Variants in PRDM6 observed in about 807,000 individuals in gnomAD.
The protein encoded by PRDM6 is putative histone-lysine N-methyltransferase PRDM6.
PRDM6 carries 25 observed loss-of-function variants against 60.8 expected under a neutral mutation model. That is an observed-to-expected ratio of 0.41 (90% CI 0.30 to 0.57). PRDM6 has a LOEUF of 0.57. Ranked by LOEUF, PRDM6 falls within the 20% of genes least tolerant of loss-of-function variation. The pLI, the probability that PRDM6 is intolerant of heterozygous loss-of-function variation, is 0.27. For synonymous variants in PRDM6, 407 were observed against 357.4 expected, an observed-to-expected ratio of 1.14 and a Z score of -1.57; for missense variants, 839 against 821.3, an observed-to-expected ratio of 1.02 and a Z score of -0.26.
intron 2 of PRDM6, among the ~76,000 whole-genome samples, chr5:123,093,225 G>A (rs981877047): frequency 1.3e-5 from 2 of 152,156 alleles, no homozygotes; most frequent in African/African-American, 4.8e-5. Context: ...TAGGTATTGA[G>A]TTGTTTTCTC....
intron 6 of PRDM6, among the ~76,000 whole-genome samples, chr5:123,176,681 C>A (rs1222611945): frequency 6.6e-6 from 1 of 152,148 alleles, no homozygotes; most frequent in Non-Finnish European, 1.5e-5. Context: ...CCACTGTACT[C>A]CAGCCTGGGC....
intron 3 of PRDM6, among the ~76,000 whole-genome samples, chr5:123,149,613 A>G (rs1765329202): frequency 6.6e-6 from 1 of 152,214 alleles, no homozygotes; most frequent in Non-Finnish European, 1.5e-5. Flanking sequence ...CACTGCAATG[A>G]ACTAAAAACT....
In PRDM6 at chr5:123,190,956, T is replaced by A. The variant is rs1485131943; in HGVS notation, c.*3755T>A. On this transcript the variant is annotated 3_prime_UTR_variant, in exon 8 of 8. Transcript: ENST00000407847. ...GGAAAATCTGAGAGAGGTAAATTCA[T>A]CTGGGGACCAGAAAATAGCATATTG... 1 of 152,196 alleles carries A rather than the reference T, an allele frequency of 6.6e-6. No homozygotes were observed. Among genetic ancestry groups the A allele is most frequent in the Non-Finnish European group, 1.5e-5 (1 of 68,038 alleles). 9.4% of individuals were successfully genotyped at this position (152,196 alleles called of 1,614,324 possible). A position where few individuals can be genotyped will look rare whatever the true frequency, so the allele number is the denominator to read the frequency against.
At chr5:123,167,280 C>T (rs550109339) in intron 5 of PRDM6, among the ~76,000 whole-genome samples, 1 of 152,204 alleles carries the variant, frequency 6.6e-6, no homozygotes, top group African/African-American at 2.4e-5. Flanking sequence ...AAATTTCTAC[C>T]CATTAATCAA....
At chr5:123,174,252 AT>A (rs1352646927) in intron 6 of PRDM6, among the ~76,000 whole-genome samples, 1 of 152,206 alleles carries the variant, frequency 6.6e-6, no homozygotes, top group Non-Finnish European at 1.5e-5. Flanking sequence ...CATATTTGGG[AT>A]GCTCAACCTG....
intron 3 of PRDM6, among the ~76,000 whole-genome samples, chr5:123,104,053 G>GA (rs995855092): frequency 6.6e-6 from 1 of 151,988 alleles, no homozygotes; most frequent in East Asian, 1.9e-4. Flanking sequence ...TTTTTCTTCA[G>GA]AAAATCAAGG....
intron 7 of PRDM6, among the ~76,000 whole-genome samples, chr5:123,181,635 C>T (rs760948101): frequency 6.6e-6 from 1 of 152,104 alleles, no homozygotes; most frequent in African/African-American, 2.4e-5. Flanking sequence ...ATAGAGTTAC[C>T]GCCTTATGTA....
At position 123,094,047 on chromosome 5, in the gene PRDM6, T is replaced by C. The variant is rs76569631; in HGVS notation, c.592+3441T>C. ...GCTGGAAACAGCGCCGGTGTGTGCA[T>C]GGGTGTGGGAGCGGGGCTTGAGGCT... On this transcript the variant is annotated intron_variant, in intron 2 of 7. Transcript: ENST00000407847. 3.0e-3 allele frequency among the ~76,000 whole-genome samples: 462 copies of C among 151,938 alleles called. 2 individuals are homozygous for C. Among genetic ancestry groups the C allele is most frequent in the African/African-American group, 0.01 (430 of 41,426 alleles).
At chr5:123,147,143 AATAG>A (rs1474164853) in intron 3 of PRDM6, among the ~76,000 whole-genome samples, 5 of 152,294 alleles carry the variant, frequency 3.3e-5, no homozygotes, top group East Asian at 1.9e-4. Flanking sequence ...TAAATTATTT[AATAG>A]ATGTCAAGAA....
chr5:123,125,159 ACCC>A (rs1561831041), intron 3 of PRDM6, among the ~76,000 whole-genome samples: 488 of 48,712 alleles, frequency 0.01, 1 homozygote, highest in Non-Finnish European at 0.017. Context: ...CCTCCCCCCC[ACCC>A]GCCGGCCCCG....
intron 3 of PRDM6, among the ~76,000 whole-genome samples, chr5:123,110,272 CCT>C (rs1491219354): frequency 8.5e-6 from 1 of 117,876 alleles, no homozygotes; most frequent in Non-Finnish European, 1.7e-5. Context: ...TTAATCATTT[CCT>C]TTTTTTTTTT....
chr5:123,115,923 C>G (rs1764430821), intron 3 of PRDM6, among the ~76,000 whole-genome samples: 1 of 152,098 alleles, frequency 6.6e-6, no homozygotes, highest in Admixed American at 6.5e-5. Context: ...TCATGCTTGC[C>G]AAAATACCTG....
chr5:123,107,872 T>G (rs1370386352), intron 3 of PRDM6, among the ~76,000 whole-genome samples: 1 of 152,260 alleles, frequency 6.6e-6, no homozygotes, highest in East Asian at 1.9e-4. Flanking sequence ...GAAGTTCATT[T>G]TCATTTTTAG....
chr5:123,098,350 C>T (rs1008532275), intron 2 of PRDM6, among the ~76,000 whole-genome samples: 14 of 152,314 alleles, frequency 9.2e-5, no homozygotes, highest in Admixed American at 7.2e-4. Flanking sequence ...CGCCGTGGCT[C>T]CTCAGGGAAG....
At chr5:123,090,664 C>CGCGGGT in intron 2 of PRDM6, 58 bp downstream of exon 2, 1 of 1,060,352 alleles carries the variant, frequency 9.4e-7, no homozygotes, top group Middle Eastern at 3.9e-4. Context: ...CGCCGGCGGG[C>CGCGGGT]GCGGGTGCCT....
Position 123,099,607 on chromosome 5 carries a change from G to A in PRDM6, c.593-47G>A. On this transcript the variant is annotated intron_variant, in intron 2 of 7. Transcript: ENST00000407847. This position sits in a 1 kb window ranked among gnomAD's most constrained non-coding sequence, Gnocchi z 4.0. Reference sequence around the variant, plus strand: ...ACTCAAAGATGGGCCGCTCGGGGCGGCCGGATTAACCCGCTCCCTTCCCTT... The same window carrying A: ...ACTCAAAGATGGGCCGCTCGGGGCGACCGGATTAACCCGCTCCCTTCCCTT... 2 of 1,413,256 alleles carry A rather than the reference G, an allele frequency of 1.4e-6. No homozygotes were observed. The highest frequency in any genetic ancestry group is 1.9e-6 in the Non-Finnish European group (2 of 1,080,032). The allele number at this position is 1,413,256 out of a possible 1,614,324, so 87.5% of individuals were successfully genotyped here. A position where few individuals can be genotyped will look rare whatever the true frequency, so the allele number is the denominator to read the frequency against.
chr5:123,137,761 A>G lies in PRDM6; in HGVS notation c.901-18123A>G, dbSNP rs969355928. Among the ~76,000 whole-genome samples, 61 of 150,488 alleles carry G rather than the reference A, an allele frequency of 4.1e-4. 1 individual carries two copies. Among genetic ancestry groups the G allele is most frequent in the Non-Finnish European group, 1.8e-4 (12 of 67,744 alleles). ...TATGTAACAGACCTGCACGTTCTGC[A>G]TATGTATCTCAGAATTTAAAGTATA... On this transcript the variant is annotated intron_variant, in intron 3 of 7. Transcript: ENST00000407847.
Position 123,159,607 on chromosome 5 carries a change from C to A in PRDM6, c.1122C>A (p.Ile374=). ...YNDSYTSFFG[I]PLQCIAQDEN... is the part of the protein sequence containing the mutation. ...ACAGCTATACGTCTTTCTTTGGGAT[C>A]CCCTTACAATGCATTGCCCAGGATG... Residue 374 remains isoleucine, a synonymous_variant, in exon 5 of 8, where the codon ATC becomes ATA. Transcript: ENST00000407847. The A allele has an allele frequency of 6.4e-7, 1 of 1,551,556 alleles. No homozygotes were observed. The highest frequency in any genetic ancestry group is 8.7e-7 in the Non-Finnish European group (1 of 1,146,752).
At chr5:123,120,552 C>A (rs1764558443) in intron 3 of PRDM6, among the ~76,000 whole-genome samples, 1 of 152,024 alleles carries the variant, frequency 6.6e-6, no homozygotes, top group South Asian at 2.1e-4. Flanking sequence ...TCAAAAATTA[C>A]AGGAAAAAAT....
Sources: allele counts gnomAD v4.1 joint callset (sites outside exome capture counted in the v4.1 genomes callset), GRCh38; gene constraint gnomAD v4.1.1; non-coding constraint Gnocchi (gnomAD v3.1); transcripts MANE v1.5; gene names NCBI Gene and HGNC (gene_info 2026-07-23, HGNC 2026-07-21).